Variants in PTPRD observed in about 807,000 individuals in gnomAD.
The protein encoded by PTPRD is protein tyrosine phosphatase receptor type D, also known as receptor-type tyrosine-protein phosphatase delta.
Under a neutral mutation model 214.5 loss-of-function variants are expected in PTPRD, and 34 were observed. The observed-to-expected ratio is 0.16, with a 90% CI of 0.12 to 0.21. The LOEUF (loss-of-function observed/expected upper bound fraction) is 0.21. PTPRD is among the 10% of genes least tolerant of loss of function. The pLI, the probability that PTPRD is intolerant of heterozygous loss-of-function variation, is 1.00. For synonymous variants in PTPRD, 1,128 were observed against 845.7 expected (o/e 1.33, Z -5.79); for missense variants, 2,545 against 2,398.7 (o/e 1.06, Z -1.27).
At chr9:9,748,339 TAAG>T (rs1194251725) in intron 6 of PTPRD, among the ~76,000 whole-genome samples, 3 of 152,180 alleles carry the variant, frequency 2.0e-5, no homozygotes, top group Non-Finnish European at 4.4e-5. Flanking sequence ...ATAACAAAAA[TAAG>T]AAGGGACAAT....
At chr9:10,220,778 T>C (rs1227986558) in intron 3 of PTPRD, among the ~76,000 whole-genome samples, 2 of 151,876 alleles carry the variant, frequency 1.3e-5, no homozygotes, top group African/African-American at 2.4e-5. Flanking sequence ...TATATGCACA[T>C]GCTATTATCT....
rs536454279 is a variant in PTPRD at position 9,755,793 on chromosome 9, T to G, written c.-326+11017A>C. Reference sequence around the variant, plus strand: ...TTGGTAAAAATTCATTTAGACTTACTTACTCATTGTCAAATATTATTCAAT... The same window carrying G: ...TTGGTAAAAATTCATTTAGACTTACGTACTCATTGTCAAATATTATTCAAT... On this transcript the variant is annotated intron_variant, in intron 6 of 45. Coordinates refer to ENST00000381196, the MANE Select transcript of PTPRD (RefSeq NM_002839.4). Among the ~76,000 whole-genome samples the G allele has an allele frequency of 3.3e-4, 50 of 152,172 alleles. 1 individual carries two copies. The South Asian group carries it at 9.7e-3, about 30-fold the overall frequency.
At chr9:10,290,535 A>G (rs2095498062) in intron 3 of PTPRD, among the ~76,000 whole-genome samples, 1 of 152,188 alleles carries the variant, frequency 6.6e-6, no homozygotes, top group African/African-American at 2.4e-5. Context: ...ATGTTTAAAA[A>G]TTACAGATTC....
intron 5 of PTPRD, among the ~76,000 whole-genome samples, chr9:9,937,695 G>T (rs542754617): frequency 4.3e-4 from 65 of 152,114 alleles, no homozygotes; most frequent in African/African-American, 1.4e-3. Context: ...CTGTTGATGA[G>T]TTTATCTTCT....
intron 11 of PTPRD, among the ~76,000 whole-genome samples, chr9:8,905,635 A>G (rs1011525778): frequency 1.2e-4 from 18 of 151,146 alleles, no homozygotes; most frequent in African/African-American, 3.9e-4. Context: ...ACTACTCAAG[A>G]GGCTGAGTCA....
chr9:10,565,256 A>T (rs1445594453), intron 2 of PTPRD, among the ~76,000 whole-genome samples: 2 of 152,140 alleles, frequency 1.3e-5, no homozygotes, highest in Non-Finnish European at 2.9e-5. Flanking sequence ...ATTATTCATA[A>T]ATTAGATTAT....
chr9:9,184,457 C>T (rs891445690), intron 9 of PTPRD, among the ~76,000 whole-genome samples: 2 of 152,014 alleles, frequency 1.3e-5, no homozygotes, highest in African/African-American at 4.8e-5. Context: ...ACAAAAAGAA[C>T]ATGATTCTCC....
intron 12 of PTPRD, among the ~76,000 whole-genome samples, chr9:8,669,768 A>T (rs2097243734): frequency 6.6e-6 from 1 of 152,186 alleles, no homozygotes; most frequent in African/African-American, 2.4e-5. Context: ...GTCACCTGGA[A>T]TGCCAGTTAA....
chr9:8,735,128 G>T (rs1039410504), intron 11 of PTPRD, among the ~76,000 whole-genome samples: 135 of 142,574 alleles, frequency 9.5e-4, no homozygotes, highest in African/African-American at 2.7e-3. Context: ...CAATAATTTG[G>T]TTTTTTTTTG....
chr9:9,848,546 C>T (rs1043728040), intron 5 of PTPRD, among the ~76,000 whole-genome samples: 1 of 152,070 alleles, frequency 6.6e-6, no homozygotes, highest in Non-Finnish European at 1.5e-5. Flanking sequence ...GAATTGAAGA[C>T]CTTGTCCAAT....
At chr9:9,139,065 T>C (rs147769719) in intron 10 of PTPRD, among the ~76,000 whole-genome samples, 235 of 152,230 alleles carry the variant, frequency 1.5e-3, no homozygotes, top group African/African-American at 5.2e-3. Context: ...AATTTGGGTA[T>C]CATCTATTCT....
intron 9 of PTPRD, among the ~76,000 whole-genome samples, chr9:9,379,624 G>T (rs965832902): frequency 1.3e-5 from 2 of 151,938 alleles, no homozygotes; most frequent in Admixed American, 1.3e-4. Context: ...GATGAAGTTG[G>T]GAAGAACTGA....
intron 7 of PTPRD, among the ~76,000 whole-genome samples, chr9:9,595,434 A>G (rs1224578501): frequency 6.7e-6 from 1 of 149,894 alleles, no homozygotes; most frequent in East Asian, 2.0e-4. Flanking sequence ...ACATATACAC[A>G]CGTGTACACA....
At chr9:8,568,882 T>C (rs1046875061) in intron 14 of PTPRD, among the ~76,000 whole-genome samples, 1 of 152,050 alleles carries the variant, frequency 6.6e-6, no homozygotes, top group Admixed American at 6.6e-5. Flanking sequence ...AATACTCAGT[T>C]GCCCACCTAT....
chr9:9,245,610 G>T (rs1210360008), intron 9 of PTPRD, among the ~76,000 whole-genome samples: 1 of 151,876 alleles, frequency 6.6e-6, no homozygotes, highest in East Asian at 1.9e-4. Flanking sequence ...CACACACCAG[G>T]GCCTGTTGTG....
chr9:9,381,680 T>G (rs2062300056), intron 9 of PTPRD, among the ~76,000 whole-genome samples: 2 of 149,268 alleles, frequency 1.3e-5, no homozygotes, highest in Non-Finnish European at 3.0e-5. Context: ...GTGTTTGTTT[T>G]TTTTTGTTGT....
At chr9:9,147,786 G>T (rs1334687133) in intron 10 of PTPRD, among the ~76,000 whole-genome samples, 1 of 152,064 alleles carries the variant, frequency 6.6e-6, no homozygotes, top group African/African-American at 2.4e-5. Context: ...TTCTACAGTA[G>T]TGGTTTTCAA....
At chr9:9,409,806 C>T (rs1685876295) in intron 8 of PTPRD, among the ~76,000 whole-genome samples, 1 of 151,996 alleles carries the variant, frequency 6.6e-6, no homozygotes, top group Non-Finnish European at 1.5e-5. Context: ...GATTTTAATC[C>T]ATATATAAAC....
chr9:8,809,263 T>G (rs1340372466), intron 11 of PTPRD, among the ~76,000 whole-genome samples: 3 of 152,174 alleles, frequency 2.0e-5, no homozygotes, highest in Non-Finnish European at 4.4e-5. Context: ...TACCGTTGTA[T>G]GTTTATACAG....
Sources: gnomAD v4.1 joint callset for allele counts (sites outside exome capture counted in the v4.1 genomes callset) on GRCh38, gnomAD v4.1.1 for gene constraint, MANE v1.5 for transcripts, NCBI Gene and HGNC (gene_info 2026-07-23, HGNC 2026-07-21) for gene names.